Variants in SULF1 observed in about 807,000 individuals in gnomAD.
SULF1 encodes the protein sulfatase 1.
In SULF1, 46 loss-of-function variants were observed where a neutral mutation model predicts 110.5. The ratio of observed to expected loss-of-function variants is 0.42; its 90% CI spans 0.33 to 0.53. The LOEUF (loss-of-function observed/expected upper bound fraction) is 0.53. Among genes scored for constraint, SULF1 ranks in the 20% least tolerant of loss-of-function variants. The pLI is 0.12. For synonymous variants in SULF1, 371 were observed against 387.1 expected (o/e 0.96, Z 0.49); for missense variants, 941 against 1,094.2 (o/e 0.86, Z 1.98).
chr8:69,612,055 C>T (rs1052294221), intron 13 of SULF1, among the ~76,000 whole-genome samples: 25 of 152,046 alleles, frequency 1.6e-4, no homozygotes, highest in Non-Finnish European at 5.9e-5. Context: ...TATGCCTTTG[C>T]GTCCTCATAG....
chr8:69,612,202 T>A (rs1251701642), intron 13 of SULF1, among the ~76,000 whole-genome samples: 2 of 152,182 alleles, frequency 1.3e-5, no homozygotes, highest in Non-Finnish European at 1.5e-5. Context: ...TATGCCTGAG[T>A]AGTGTTCCAT....
At chr8:69,496,486 TC>T (rs773637162) in intron 2 of SULF1, among the ~76,000 whole-genome samples, 8 of 152,270 alleles carry the variant, frequency 5.3e-5, no homozygotes, top group Non-Finnish European at 7.4e-5. Flanking sequence ...AAAAGAAGTG[TC>T]CCAAAAAGGA....
chr8:69,469,059 T>G (rs1272171784), intron 1 of SULF1, among the ~76,000 whole-genome samples: 1 of 152,194 alleles, frequency 6.6e-6, no homozygotes, highest in African/African-American at 2.4e-5. Context: ...ACGGCAGCCG[T>G]GTTTTTGTCC....
At chr8:69,579,597 C>T (rs72658267) in intron 6 of SULF1, among the ~76,000 whole-genome samples, 130 of 150,430 alleles carry the variant, frequency 8.6e-4, no homozygotes, top group Non-Finnish European at 1.6e-3. Context: ...ACTGAAATGG[C>T]AGTGATAGAG....
chr8:69,623,451 A>T (rs138383735), intron 14 of SULF1, among the ~76,000 whole-genome samples: 2 of 152,224 alleles, frequency 1.3e-5, no homozygotes, highest in African/African-American at 2.4e-5. Flanking sequence ...GGGTTTTTAT[A>T]ATAATACCTG....
chr8:69,584,606 G>A (rs1806313576), intron 6 of SULF1: 3 of 152,134 alleles, frequency 2.0e-5, no homozygotes, highest in Non-Finnish European at 2.9e-5. Flanking sequence ...TGAACCTACC[G>A]AACACCAGAG....
At chr8:69,477,287 T>C (rs1809339531) in intron 1 of SULF1, among the ~76,000 whole-genome samples, 1 of 152,218 alleles carries the variant, frequency 6.6e-6, no homozygotes, top group African/African-American at 2.4e-5. Flanking sequence ...ATAAGCTATA[T>C]GAAAAACTTC....
chr8:69,498,240 T>C (rs1254374144), intron 2 of SULF1, among the ~76,000 whole-genome samples: 1 of 152,108 alleles, frequency 6.6e-6, no homozygotes, highest in African/African-American at 2.4e-5. Flanking sequence ...GATGCAATGA[T>C]CCACAGCTAG....
At chr8:69,534,677 C>T (rs1265521541) in intron 3 of SULF1, among the ~76,000 whole-genome samples, 1 of 152,122 alleles carries the variant, frequency 6.6e-6, no homozygotes, top group Non-Finnish European at 1.5e-5. Context: ...AATTATAATA[C>T]TTTATTCCAC....
In SULF1 at chr8:69,589,061, GA is replaced by G; in HGVS notation, c.655del (p.Ile219SerfsTer27). On this transcript the variant is annotated frameshift_variant, in exon 8 of 23. Coordinates refer to ENST00000402687, the MANE Select transcript of SULF1 (RefSeq NM_001128205.2). LOFTEE classifies it high-confidence loss of function. ...ATCCCCATAGGCCCGTTATGATGGT[GA>G]TCAGCCACGCTGCGCCCCACGGCCC... Reference protein sequence around the residue: ...MYPHRPVMMVISHAAPHGPED... With the variant: ...MYPHRPVMMVXSHAAPHGPED... The G allele has an allele frequency of 6.2e-7, 1 of 1,614,186 alleles. No individual in the cohort carries two copies. Among genetic ancestry groups the G allele is most frequent in the Non-Finnish European group, 8.5e-7 (1 of 1,180,032 alleles).
At chr8:69,506,735 T>C (rs765046151) in intron 3 of SULF1, among the ~76,000 whole-genome samples, 26 of 152,174 alleles carry the variant, frequency 1.7e-4, no homozygotes, top group Non-Finnish European at 8.8e-5. Flanking sequence ...GCCATAATGA[T>C]ACATTCAGGC....
chr8:69,551,025 G>A (rs543380294), intron 3 of SULF1, among the ~76,000 whole-genome samples: 6 of 152,082 alleles, frequency 3.9e-5, no homozygotes, highest in African/African-American at 9.7e-5. Flanking sequence ...TTGTTTAATC[G>A]ATTCGAAGTT....
chr8:69,496,491 A>G (rs1367768606), intron 2 of SULF1, among the ~76,000 whole-genome samples: 1 of 152,242 alleles, frequency 6.6e-6, no homozygotes, highest in Non-Finnish European at 1.5e-5. Flanking sequence ...AAGTGTCCCA[A>G]AAAGGAACCG....
intron 3 of SULF1, among the ~76,000 whole-genome samples, chr8:69,530,726 G>A (rs984469198): frequency 6.6e-6 from 1 of 152,102 alleles, no homozygotes; most frequent in Non-Finnish European, 1.5e-5. Flanking sequence ...CATCACTCTG[G>A]TCCTTCTGTC....
chr8:69,478,492 C>A (rs886842166), intron 1 of SULF1, among the ~76,000 whole-genome samples: 1 of 152,116 alleles, frequency 6.6e-6, no homozygotes, highest in African/African-American at 2.4e-5. Flanking sequence ...CCTGAATTTA[C>A]ATCTTTACTT....
At chr8:69,573,109 G>A (rs1179812513) in intron 5 of SULF1, among the ~76,000 whole-genome samples, 1 of 152,222 alleles carries the variant, frequency 6.6e-6, no homozygotes, top group African/African-American at 2.4e-5. Flanking sequence ...TTACAGGCAT[G>A]AGCCACTGAG....
intron 22 of SULF1, among the ~76,000 whole-genome samples, chr8:69,644,693 G>A (rs1371397525): frequency 2.0e-5 from 3 of 151,316 alleles, no homozygotes; most frequent in Non-Finnish European, 4.4e-5. Context: ...CCCGGGAGGC[G>A]GAGCTTGCAG....
rs562771137 is a variant in SULF1 at position 69,509,986 on chromosome 8, T to C, written c.-134+8018T>C. On this transcript the variant is annotated intron_variant, in intron 3 of 22. Coordinates refer to ENST00000402687, the MANE Select transcript of SULF1 (RefSeq NM_001128205.2). ...TGCATACATGTTTGAACGACTGTTC[T>C]AGTGATAGCCAACCTCTAAATGTGA... 6.6e-5 allele frequency among the ~76,000 whole-genome samples: 10 copies of C among 152,370 alleles called. 1 individual carries two copies. Among genetic ancestry groups the C allele is most frequent in the Non-Finnish European group, 1.5e-4 (10 of 68,034 alleles).
chr8:69,499,006 G>A (rs1015354566), intron 2 of SULF1, among the ~76,000 whole-genome samples: 1 of 152,150 alleles, frequency 6.6e-6, no homozygotes. Context: ...TCACAGGCAT[G>A]TGCAACCATG....
Sources: gnomAD v4.1 joint callset for allele counts (sites outside exome capture counted in the v4.1 genomes callset) on GRCh38, gnomAD v4.1.1 for gene constraint, MANE v1.5 for transcripts, NCBI Gene and HGNC (gene_info 2026-07-23, HGNC 2026-07-21) for gene names.